TCF7L2: variants seen among roughly 807,000 people sequenced by gnomAD.
The protein encoded by TCF7L2 is transcription factor 7 like 2.
A neutral mutation model predicts 77.9 loss-of-function variants in TCF7L2; 23 were observed. That is an observed-to-expected ratio of 0.30 (90% CI 0.21 to 0.42). The LOEUF (loss-of-function observed/expected upper bound fraction) is 0.42, where lower values mean the gene tolerates loss of function less well. Ranked by LOEUF, TCF7L2 falls within the 10% of genes least tolerant of loss-of-function variation. TCF7L2 has a pLI of 1.00. For synonymous variants in TCF7L2, 413 were observed against 340.2 expected (o/e 1.21, Z -2.36); for missense variants, 654 against 793.1 (o/e 0.82, Z 2.11).
intron 5 of TCF7L2, among the ~76,000 whole-genome samples, chr10:113,046,140 G>T (rs1217178699): frequency 6.6e-6 from 1 of 152,166 alleles, no homozygotes; most frequent in Admixed American, 6.5e-5. Flanking sequence ...CAGAAACTCT[G>T]TCCTCTGGTG....
chr10:113,123,964 G>T (rs766100248), intron 5 of TCF7L2, among the ~76,000 whole-genome samples: 1 of 152,182 alleles, frequency 6.6e-6, no homozygotes, highest in African/African-American at 2.4e-5. Context: ...AAGAAGAAAA[G>T]TTGGGGCAAG....
intron 5 of TCF7L2, among the ~76,000 whole-genome samples, chr10:113,083,737 C>T (rs1038831680): frequency 4.6e-5 from 7 of 152,194 alleles, no homozygotes; most frequent in Non-Finnish European, 1.0e-4. Context: ...GTTACCTTCT[C>T]ACCAATTTTT....
At chr10:113,141,582 G>T (rs2068394299) in intron 6 of TCF7L2, among the ~76,000 whole-genome samples, 1 of 152,154 alleles carries the variant, frequency 6.6e-6, no homozygotes, top group South Asian at 2.1e-4. Context: ...ACCCCTGAAG[G>T]GGCTGTCTTG....
intron 5 of TCF7L2, among the ~76,000 whole-genome samples, chr10:113,087,769 G>A (rs1434520581): frequency 6.6e-6 from 1 of 152,178 alleles, no homozygotes; most frequent in Non-Finnish European, 1.5e-5. Flanking sequence ...CCCTGGAGTA[G>A]CTCCAGTTAT....
At chr10:113,116,918 G>A (rs1319443282) in intron 5 of TCF7L2, among the ~76,000 whole-genome samples, 1 of 152,106 alleles carries the variant, frequency 6.6e-6, no homozygotes, top group Non-Finnish European at 1.5e-5. Context: ...TTGATTATTG[G>A]TTTTGAAGGA....
chr10:112,998,706 C>G (rs2043944149), intron 4 of TCF7L2, among the ~76,000 whole-genome samples: 1 of 152,180 alleles, frequency 6.6e-6, no homozygotes, highest in South Asian at 2.1e-4. Context: ...TAGAGGGGCC[C>G]TGGACACAGG....
intron 5 of TCF7L2, among the ~76,000 whole-genome samples, chr10:113,131,789 C>A (rs548235733): frequency 2.0e-5 from 3 of 152,182 alleles, no homozygotes; most frequent in Non-Finnish European, 4.4e-5. Context: ...TAATAGAATT[C>A]TTTCCTTCTG....
chr10:113,141,174 C>T lies in TCF7L2; in HGVS notation c.553-10C>T, dbSNP rs2136837457. ...CTTGACGGTGTCTTTCTCTGTTCTC[C>T]TCCCCACAGTCTAACAAAGTGCCAG... is the stretch of plus-strand genomic sequence containing the variant. On this transcript the variant is annotated splice_polypyrimidine_tract_variant and intron_variant, in intron 5 of 13. Coordinates refer to ENST00000627217, the MANE Select transcript of TCF7L2 (RefSeq NM_001146274.2). 3.1e-6 allele frequency: 5 copies of T among 1,613,812 alleles called. No individual in the cohort carries two copies. Among genetic ancestry groups the T allele is most frequent in the Non-Finnish European group, 4.2e-6 (5 of 1,179,834 alleles).
intron 5 of TCF7L2, among the ~76,000 whole-genome samples, chr10:113,095,488 C>T (rs151095523): frequency 3.0e-4 from 46 of 152,292 alleles, no homozygotes; most frequent in East Asian, 1.4e-3. Flanking sequence ...GATCAACCGC[C>T]GTGGTAGCAT....
chr10:112,994,361 A>G (rs2043108709), intron 4 of TCF7L2, among the ~76,000 whole-genome samples: 1 of 152,212 alleles, frequency 6.6e-6, no homozygotes, highest in South Asian at 2.1e-4. Context: ...TTCACTTAGC[A>G]TACGGTTCTC....
Position 113,073,129 on chromosome 10 carries a change from T to TGTGTGTGAGAGA in TCF7L2, c.552+33004_552+33005insTGTGTGAGAGAG, listed in dbSNP as rs56927661. 5.8e-3 allele frequency among the ~76,000 whole-genome samples: 717 copies of TGTGTGTGAGAGA among 123,516 alleles called. 3 individuals are homozygous for TGTGTGTGAGAGA. The highest frequency in any genetic ancestry group is 9.4e-3 in the Non-Finnish European group (558 of 59,452). The allele number at this position is 123,516 out of a possible 152,430, so 81.0% of individuals were successfully genotyped here. On this transcript the variant is annotated intron_variant, in intron 5 of 13. Coordinates refer to ENST00000627217, the MANE Select transcript of TCF7L2 (RefSeq NM_001146274.2). Reference sequence around the variant, plus strand: ...GTGTGTGTGTGTGTGTGTGTGTGTGTGAGAGAGAGAGAGAGAGAGAGACAG... The same window carrying TGTGTGTGAGAGA: ...GTGTGTGTGTGTGTGTGTGTGTGTGTGTGTGTGAGAGAGAGAGAGAGAGAGAGAGAGAGACAG...
At chr10:112,962,903 G>A (rs1451645736) in intron 3 of TCF7L2, among the ~76,000 whole-genome samples, 3 of 152,152 alleles carry the variant, frequency 2.0e-5, no homozygotes, top group African/African-American at 4.8e-5. Context: ...CCTGCCAGCG[G>A]TTCACTTCAG....
intron 4 of TCF7L2, among the ~76,000 whole-genome samples, chr10:112,983,066 T>G (rs1340597211): frequency 6.6e-6 from 1 of 152,150 alleles, no homozygotes; most frequent in Non-Finnish European, 1.5e-5. Context: ...ATGAAATTAG[T>G]GACAGCAAGG....
At position 113,141,211 on chromosome 10, in the gene TCF7L2, C is replaced by T; in HGVS notation, c.580C>T (p.Pro194Ser). ...TAACAAAGTGCCAGTGGTGCAGCAC[C>T]CTCACCATGTCCACCCCCTCACGCC... Residue 194 changes from proline (P) to serine (S), a missense_variant, in exon 6 of 14, where the codon CCT becomes TCT. Coordinates refer to ENST00000627217, the MANE Select transcript of TCF7L2 (RefSeq NM_001146274.2). The T allele has an allele frequency of 6.2e-7, 1 of 1,614,148 alleles. No homozygotes were observed. Among genetic ancestry groups the T allele is most frequent in the Non-Finnish European group, 8.5e-7 (1 of 1,180,024 alleles).
chr10:112,979,298 C>G (rs2040034357), intron 4 of TCF7L2, among the ~76,000 whole-genome samples: 1 of 152,064 alleles, frequency 6.6e-6, no homozygotes, highest in Non-Finnish European at 1.5e-5. Flanking sequence ...AGGTTAAAGC[C>G]CTAGAATTTG....
At chr10:113,149,494 C>T (rs924682384) in intron 8 of TCF7L2, among the ~76,000 whole-genome samples, 9 of 152,224 alleles carry the variant, frequency 5.9e-5, no homozygotes, top group African/African-American at 2.2e-4. Flanking sequence ...TCAGCATTAA[C>T]TTTCCTTCCT....
At chr10:113,002,643 T>C (rs1415966741) in intron 4 of TCF7L2, among the ~76,000 whole-genome samples, 1 of 152,096 alleles carries the variant, frequency 6.6e-6, no homozygotes, top group East Asian at 1.9e-4. Context: ...AGTCCTGGTG[T>C]TGGTTGATGG....
chr10:113,080,923 G>C (rs2059258553), intron 5 of TCF7L2, among the ~76,000 whole-genome samples: 1 of 152,142 alleles, frequency 6.6e-6, no homozygotes, highest in Non-Finnish European at 1.5e-5. Flanking sequence ...ATGTAATTGG[G>C]GTTCCTGTGG....
intron 6 of TCF7L2, among the ~76,000 whole-genome samples, chr10:113,142,744 C>T (rs1460479850): frequency 2.6e-5 from 4 of 152,164 alleles, no homozygotes; most frequent in East Asian, 1.9e-4. Context: ...TGAATGGCAG[C>T]GTCAACGTCT....
Sources: allele counts gnomAD v4.1 joint callset (sites outside exome capture counted in the v4.1 genomes callset), GRCh38; gene constraint gnomAD v4.1.1; transcripts MANE v1.5; gene names NCBI Gene and HGNC (gene_info 2026-07-23, HGNC 2026-07-21).